The following CFAP100 variants were observed in gnomAD, a reference collection of about 807,000 sequenced individuals.
The protein encoded by CFAP100 is cilia- and flagella-associated protein 100.
In CFAP100, 70 loss-of-function variants were observed where a neutral mutation model predicts 81.5. The observed-to-expected ratio is 0.86, with a 90% CI of 0.71 to 1.05. The LOEUF is 1.05. Among genes scored for constraint, CFAP100 ranks in the 50% least tolerant of loss-of-function variants. The pLI, the probability that CFAP100 is intolerant of heterozygous loss-of-function variation, is 0.00. For synonymous variants in CFAP100, 341 were observed against 314.8 expected, an observed-to-expected ratio of 1.08 and a Z score of -0.88; for missense variants, 811 against 776.5, an observed-to-expected ratio of 1.04 and a Z score of -0.53.
At position 126,436,142 on chromosome 3, in the gene CFAP100, G is replaced by C. The variant is rs1024335306; in HGVS notation, c.1723-149G>C. ...CAGACTCACACCCCCAGTTATTTCA[G>C]AGTTAACTCCAGCCCTCAGCCTGCA... is the stretch of plus-strand genomic sequence containing the variant. On this transcript the variant is annotated intron_variant, in intron 16 of 16. Coordinates refer to ENST00000352312, the MANE Select transcript of CFAP100 (RefSeq NM_182628.3). 8.2e-5 allele frequency: 50 copies of C among 606,968 alleles called. No homozygotes were observed. In the East Asian group the frequency reaches 1.4e-3, roughly 17 times the overall value. The allele number at this position is 606,968 out of a possible 1,614,324, so 37.6% of individuals were successfully genotyped here.
At position 126,432,370 on chromosome 3, in the gene CFAP100, G is replaced by T. The variant is rs548084825; in HGVS notation, c.1287-699G>T. 1.1e-4 allele frequency among the ~76,000 whole-genome samples: 16 copies of T among 150,308 alleles called. No individual in the cohort carries two copies. In the East Asian group the frequency reaches 3.2e-3, roughly 30 times the overall value. ...ATATATTCGTGAGAATTGAAAACAT[G>T]TCCTCACAAAAACCTGCACATGAAT... On this transcript the variant is annotated intron_variant, in intron 13 of 16. Coordinates refer to ENST00000352312, the MANE Select transcript of CFAP100 (RefSeq NM_182628.3).
Position 126,419,801 on chromosome 3 carries a change from C to CCA in CFAP100, c.900_901dup (p.Pro301HisfsTer43). The CCA allele has an allele frequency of 6.2e-7, 1 of 1,613,862 alleles. No individual in the cohort carries two copies. The highest frequency in any genetic ancestry group is 8.5e-7 in the Non-Finnish European group (1 of 1,180,018). On this transcript the variant is annotated frameshift_variant, in exon 9 of 17. Transcript: ENST00000352312. LOFTEE classifies it high-confidence loss of function. ...GCTTCCAAAGAGAGCAGTGTTAACT[C>CCA]CACACCAGGGGACAAAGGTAGCAGA...
intron 2 of CFAP100, among the ~76,000 whole-genome samples, chr3:126,397,138 T>C (rs1018882241): frequency 2.0e-5 from 3 of 152,224 alleles, no homozygotes; most frequent in Non-Finnish European, 4.4e-5. Flanking sequence ...AATTAACCCA[T>C]ACATTGTAGA....
intron 13 of CFAP100, 76 bp downstream of exon 13, chr3:126,423,720 T>C (rs778031367): frequency 1.5e-5 from 24 of 1,567,892 alleles, no homozygotes; most frequent in South Asian, 7.9e-5. Context: ...GGGAGCCAAG[T>C]TGGGGAAACA....
At chr3:126,397,970 C>T (rs2082914302) in intron 2 of CFAP100, among the ~76,000 whole-genome samples, 1 of 152,108 alleles carries the variant, frequency 6.6e-6, no homozygotes, top group Non-Finnish European at 1.5e-5. Flanking sequence ...TGGGAGTGGG[C>T]GTGGTGTGTT....
intron 2 of CFAP100, among the ~76,000 whole-genome samples, chr3:126,401,975 C>T (rs1464608317): frequency 2.6e-5 from 4 of 152,186 alleles, no homozygotes; most frequent in Non-Finnish European, 5.9e-5. Flanking sequence ...GTGCCTCCTC[C>T]GTGGGCTCCC....
chr3:126,429,940 T>G (rs1429869516), intron 13 of CFAP100, among the ~76,000 whole-genome samples: 4 of 152,204 alleles, frequency 2.6e-5, no homozygotes, highest in Admixed American at 1.3e-4. Context: ...GCGTATAGTA[T>G]TCTTTTTAGC....
Position 126,433,054 on chromosome 3 carries a change from T to C in CFAP100, c.1287-15T>C, listed in dbSNP as rs760984338. The C allele has an allele frequency of 6.2e-7, 1 of 1,613,856 alleles. No individual in the cohort carries two copies. On this transcript the variant is annotated splice_polypyrimidine_tract_variant and intron_variant, in intron 13 of 16. Coordinates refer to ENST00000352312, the MANE Select transcript of CFAP100 (RefSeq NM_182628.3). ...GCTGAGTGACTGATGCCCTGCCGGT[T>C]TTCCCCTCTTCCAGGGACAGGGAGG...
At chr3:126,434,063 T>C in intron 14 of CFAP100, 113 bp from the exon 15 acceptor site, 1 of 852,256 alleles carries the variant, frequency 1.2e-6, no homozygotes, top group Non-Finnish European at 1.9e-6. Flanking sequence ...GCTCCCACTG[T>C]GTGCCAAGCG....
chr3:126,434,903 C>T (rs1355410135), intron 15 of CFAP100, among the ~76,000 whole-genome samples: 1 of 152,150 alleles, frequency 6.6e-6, no homozygotes, highest in East Asian at 1.9e-4. Flanking sequence ...AGTTTCAGCT[C>T]AGAGGGGAGT....
chr3:126,436,210 C>T (rs917029760), intron 16 of CFAP100, 81 bp from the exon 17 acceptor site: 3 of 1,077,208 alleles, frequency 2.8e-6, no homozygotes, highest in Non-Finnish European at 4.2e-6. Flanking sequence ...GCTGCTGGGC[C>T]TCTCCCTGCA....
chr3:126,426,850 A>G (rs1251851105), intron 13 of CFAP100, among the ~76,000 whole-genome samples: 1 of 152,236 alleles, frequency 6.6e-6, no homozygotes, highest in Non-Finnish European at 1.5e-5. Flanking sequence ...ACAAAAGTCA[A>G]TGGCTTTCTC....
At chr3:126,419,008 A>T (rs1451608342) in intron 7 of CFAP100, 68 bp from the exon 8 acceptor site, 3 of 1,057,606 alleles carry the variant, frequency 2.8e-6, no homozygotes, top group East Asian at 2.6e-5. Context: ...TGGTGTGCTC[A>T]CCCCTCTTTA....
intron 9 of CFAP100, 35 bp downstream of exon 9, chr3:126,419,853 C>T: frequency 6.2e-7 from 1 of 1,611,064 alleles, no homozygotes; most frequent in Non-Finnish European, 8.5e-7. Flanking sequence ...CCCAGGTGGG[C>T]TCTGCCAGTG....
At chr3:126,410,288 A>G (rs2083134590) in intron 3 of CFAP100, among the ~76,000 whole-genome samples, 1 of 151,504 alleles carries the variant, frequency 6.6e-6, no homozygotes, top group Non-Finnish European at 1.5e-5. Context: ...TTATTTTAAA[A>G]CTCTTTAGTG....
Position 126,395,961 on chromosome 3 carries a change from G to A in CFAP100, c.-40G>A, listed in dbSNP as rs538095066. ...CCTCAGGTGAGGATCTCCTTTAGAAGAGGAGAAGCCTTGCATCAACCTCTT... is the reference window on the plus strand; with the variant it reads ...CCTCAGGTGAGGATCTCCTTTAGAAAAGGAGAAGCCTTGCATCAACCTCTT... On this transcript the variant is annotated 5_prime_UTR_variant, in exon 2 of 17. Transcript: ENST00000352312. The A allele has an allele frequency of 1.3e-6, 2 of 1,542,374 alleles. No individual in the cohort carries two copies. The highest frequency in any genetic ancestry group is 1.7e-5 in the Admixed American group (1 of 59,914).
intron 7 of CFAP100, 27 bp from the exon 8 acceptor site, chr3:126,419,049 C>CCA: frequency 9.7e-7 from 1 of 1,029,112 alleles, no homozygotes; most frequent in Non-Finnish European, 1.4e-6. Context: ...TGCCCCCATC[C>CCA]CTCCTCCCCC....
chr3:126,432,536 ATGC>A (rs71889959), intron 13 of CFAP100, among the ~76,000 whole-genome samples: 9,415 of 152,220 alleles, frequency 0.062, 396 homozygotes, highest in African/African-American at 0.11. Flanking sequence ...GTGCTGACAC[ATGC>A]TGCAACATGG....
At chr3:126,407,323 C>A (rs1376490144) in intron 3 of CFAP100, 71 bp downstream of exon 3, 4 of 966,286 alleles carry the variant, frequency 4.1e-6, no homozygotes, top group African/African-American at 3.2e-5. Flanking sequence ...CCCCCAGATC[C>A]CCTCAGACCA....
Sources: gnomAD v4.1 joint callset for allele counts (sites outside exome capture counted in the v4.1 genomes callset) on GRCh38, gnomAD v4.1.1 for gene constraint, MANE v1.5 for transcripts, NCBI Gene and HGNC (gene_info 2026-07-23, HGNC 2026-07-21) for gene names.